AKAP14: variants seen among roughly 807,000 people sequenced by gnomAD.
AKAP14 encodes the protein A-kinase anchoring protein 14, also known as A-kinase anchor protein 14.
Under a neutral mutation model 17.0 loss-of-function variants are expected in AKAP14, and 4 were observed. The ratio of observed to expected loss-of-function variants is 0.23; its 90% confidence interval spans 0.12 to 0.54. The LOEUF (loss-of-function observed/expected upper bound fraction) is 0.54, where lower values mean the gene tolerates loss of function less well. AKAP14 is among the 20% of genes least tolerant of loss of function. The pLI is 0.95. For missense variants in AKAP14, 129 were observed against 150.9 expected (o/e 0.85, Z 0.76); for synonymous variants, 42 against 51.3 (o/e 0.82, Z 0.77).
chrX:119,910,614 A>G (rs2147834371), intron 4 of AKAP14, among the ~76,000 whole-genome samples: 1 of 111,755 alleles, frequency 8.9e-6, no homozygotes, highest in Admixed American at 9.5e-5. Context: ...AAAATTCAAG[A>G]CAGCACTGGT....
At chrX:119,907,605 A>C (rs1187659580) in intron 4 of AKAP14, among the ~76,000 whole-genome samples, 3 of 109,935 alleles carry the variant, frequency 2.7e-5, no homozygotes, top group Non-Finnish European at 5.7e-5. Flanking sequence ...CTATGGGTAC[A>C]CAGCACCATG....
At chrX:119,896,373 T>C (rs1227637364) in intron 2 of AKAP14, 106 bp downstream of exon 2, 2 of 97,977 alleles carry the variant, frequency 2.0e-5, no homozygotes, top group East Asian at 6.8e-4. Context: ...CATCTCTTCC[T>C]ACCCACCCTG....
intron 5 of AKAP14, among the ~76,000 whole-genome samples, chrX:119,917,831 G>GA (rs1444277018): frequency 8.9e-6 from 1 of 112,299 alleles, no homozygotes; most frequent in African/African-American, 3.2e-5. Context: ...ATTACTTAGG[G>GA]ATCTTGTTAA....
At chrX:119,918,246 T>G (rs1204567778) in intron 5 of AKAP14, among the ~76,000 whole-genome samples, 1 of 111,797 alleles carries the variant, frequency 8.9e-6, no homozygotes, top group Non-Finnish European at 1.9e-5. Context: ...TTTTGTTTTT[T>G]TTTTAGATGG....
At chrX:119,910,966 T>G (rs996785910) in intron 4 of AKAP14, among the ~76,000 whole-genome samples, 1 of 108,617 alleles carries the variant, frequency 9.2e-6, no homozygotes, top group Non-Finnish European at 1.9e-5. Flanking sequence ...CCGGCCTTTT[T>G]CTTCTAATTT....
At chrX:119,905,834 C>T (rs2056594120) in intron 4 of AKAP14, among the ~76,000 whole-genome samples, 1 of 111,357 alleles carries the variant, frequency 9.0e-6, no homozygotes, top group South Asian at 3.8e-4. Flanking sequence ...TCACAACCCT[C>T]TCCACTTCTC....
At chrX:119,901,122 T>C (rs1258786873) in intron 2 of AKAP14, among the ~76,000 whole-genome samples, 1 of 111,881 alleles carries the variant, frequency 8.9e-6, no homozygotes, top group Non-Finnish European at 1.9e-5. Context: ...CTTGATGTGA[T>C]ACATCTCAAA....
chrX:119,911,911 G>A (rs894899326), intron 4 of AKAP14, among the ~76,000 whole-genome samples: 6 of 107,597 alleles, frequency 5.6e-5, no homozygotes, highest in Non-Finnish European at 9.6e-5. Flanking sequence ...GCAGGCAATG[G>A]GGGAGCTGCT....
chrX:119,911,341 G>A (rs2056626130), intron 4 of AKAP14, among the ~76,000 whole-genome samples: 1 of 105,963 alleles, frequency 9.4e-6, no homozygotes, highest in African/African-American at 3.4e-5. Flanking sequence ...GTGACAGAGC[G>A]AGACTCTGTT....
rs66480348 is a variant in AKAP14, at chrX:119,916,433, AATCTATCTATCTATCTATCTATCT to A, written c.441+1583_441+1606del. Among the ~76,000 whole-genome samples, 243 of 99,170 alleles carry A rather than the reference AATCTATCTATCTATCTATCTATCT, an allele frequency of 2.5e-3. 1 individual carries two copies. The highest frequency in any genetic ancestry group is 7.8e-3 in the African/African-American group (214 of 27,311). The allele number at this position is 99,170 out of a possible 115,157, so 86.1% of individuals were successfully genotyped here. On this transcript the variant is annotated intron_variant, in intron 5 of 6. Transcript: ENST00000371431. ...TTTATCTATATCTGTCTGCCTATCT[AATCTATCTATCTATCTATCTATCT>A]ATCTATCTATCTATCTATCTATCTA... is the stretch of plus-strand genomic sequence containing the variant.
intron 5 of AKAP14, among the ~76,000 whole-genome samples, chrX:119,919,225 G>A (rs1210608634): frequency 1.8e-5 from 2 of 111,706 alleles, no homozygotes; most frequent in African/African-American, 6.5e-5. Context: ...TGTTTATGCT[G>A]CTTTAAAAAT....
chrX:119,903,151 TATATG>T, intron 2 of AKAP14, 58 bp from the exon 3 acceptor site: 1 of 1,045,088 alleles, frequency 9.6e-7, no homozygotes, highest in Non-Finnish European at 1.3e-6. Context: ...GATCTGTACT[TATATG>T]AGTGCGTTCA....
At chrX:119,908,489 AG>A (rs1383242943) in intron 4 of AKAP14, among the ~76,000 whole-genome samples, 1 of 111,372 alleles carries the variant, frequency 9.0e-6, no homozygotes, top group Admixed American at 9.7e-5. Flanking sequence ...AATAAAAAAA[AG>A]ACATCACTAT....
chrX:119,907,446 A>T (rs767862533), intron 4 of AKAP14, among the ~76,000 whole-genome samples: 1 of 109,131 alleles, frequency 9.2e-6, no homozygotes, highest in East Asian at 2.9e-4. Context: ...CATTCTTTTT[A>T]AAAAATATTT....
chrX:119,914,525 AT>A (rs1356323544), intron 4 of AKAP14, among the ~76,000 whole-genome samples, 173 bp from the exon 5 acceptor site: 1 of 110,641 alleles, frequency 9.0e-6, no homozygotes, highest in Non-Finnish European at 1.9e-5. Context: ...GTCTTGCTAC[AT>A]TGCCCAGGCT....
At chrX:119,917,640 T>A (rs1261712129) in intron 5 of AKAP14, among the ~76,000 whole-genome samples, 1 of 102,997 alleles carries the variant, frequency 9.7e-6, no homozygotes, top group East Asian at 3.0e-4. Context: ...TATAGCCGGG[T>A]CTGGTGGCTC....
chrX:119,909,857 C>T (rs886791313), intron 4 of AKAP14, among the ~76,000 whole-genome samples: 2 of 104,675 alleles, frequency 1.9e-5, no homozygotes, highest in African/African-American at 7.1e-5. Flanking sequence ...TGCACTCCAG[C>T]CTGGAAGACA....
intron 4 of AKAP14, among the ~76,000 whole-genome samples, chrX:119,909,147 T>C (rs2056613767): frequency 9.0e-6 from 1 of 111,348 alleles, no homozygotes. Context: ...AGATTAAACA[T>C]TAGGGCTAGA....
chrX:119,908,306 G>GAA (rs2056609676), intron 4 of AKAP14, among the ~76,000 whole-genome samples: 1 of 88,061 alleles, frequency 1.1e-5, no homozygotes, highest in Non-Finnish European at 2.2e-5. Context: ...AAAAAAAGAA[G>GAA]GATGGTATAG....
Sources: gnomAD v4.1 joint callset for allele counts (sites outside exome capture counted in the v4.1 genomes callset) on GRCh38, gnomAD v4.1.1 for gene constraint, MANE v1.5 for transcripts, NCBI Gene and HGNC (gene_info 2026-07-23, HGNC 2026-07-21) for gene names.